PJA2: variants seen among roughly 807,000 people sequenced by gnomAD.
PJA2 encodes the protein praja ring finger ubiquitin ligase 2.
A neutral mutation model predicts 69.3 loss-of-function variants in PJA2; 25 were observed. The ratio of observed to expected loss-of-function variants is 0.36; its 90% CI spans 0.26 to 0.50. The LOEUF (loss-of-function observed/expected upper bound fraction) is 0.50, where lower values mean the gene tolerates loss of function less well. Among genes scored for constraint, PJA2 ranks in the 20% least tolerant of loss-of-function variants. The probability of loss-of-function intolerance (pLI) is 0.96; values close to 1 mark genes in which losing one functional copy is unlikely to be tolerated. For synonymous variants in PJA2, 308 were observed against 277.8 expected (o/e 1.11, Z -1.08); for missense variants, 809 against 830.2 (o/e 0.97, Z 0.31).
chr5:109,353,916 T>A (rs1291354786), intron 7 of PJA2, among the ~76,000 whole-genome samples: 1 of 89,978 alleles, frequency 1.1e-5, no homozygotes, highest in East Asian at 2.5e-4. Context: ...ATCTATAGAT[T>A]AGATGTCTAT....
Position 109,409,946 on chromosome 5 carries a change from CTGGCGGCTGTGGCGGCGG to C in PJA2, c.-210_-193del. The C allele has an allele frequency of 4.7e-6, 1 of 211,290 alleles. No homozygotes were observed. Among genetic ancestry groups the C allele is most frequent in the Non-Finnish European group, 9.4e-6 (1 of 106,772 alleles). The allele number at this position is 211,290 out of a possible 1,614,324, so 13.1% of individuals were successfully genotyped here. On this transcript the variant is annotated 5_prime_UTR_variant, in exon 1 of 10. Transcript: ENST00000361189. ...TCCTCCCCCGCCGAACGCGAAGCGG[CTGGCGGCTGTGGCGGCGG>C]CGGCGGCGGTGGCGGCGGCGGAAGC...
At position 109,335,988 on chromosome 5, in the gene PJA2, T is replaced by G. The variant is rs1243363689; in HGVS notation, c.*1243A>C. The G allele has an allele frequency of 6.6e-6, 1 of 152,572 alleles. No individual in the cohort carries two copies. Among genetic ancestry groups the G allele is most frequent in the Non-Finnish European group, 1.5e-5 (1 of 68,016 alleles). The allele number at this position is 152,572 out of a possible 1,614,324, so 9.5% of individuals were successfully genotyped here. On this transcript the variant is annotated 3_prime_UTR_variant, in exon 10 of 10. Coordinates refer to ENST00000361189, the MANE Select transcript of PJA2 (RefSeq NM_014819.5). ...ATTTAAGCCTCATATGTGCCAACAG[T>G]GAAAATTCATTTATTTTTAAGAATG...
chr5:109,345,034 A>G (rs1762150195), intron 7 of PJA2, among the ~76,000 whole-genome samples: 1 of 151,968 alleles, frequency 6.6e-6, no homozygotes, highest in African/African-American at 2.4e-5. Context: ...AACTTTCTAC[A>G]TGTGAAATAA....
chr5:109,400,151 G>T (rs947313915), intron 1 of PJA2, among the ~76,000 whole-genome samples: 2 of 151,882 alleles, frequency 1.3e-5, no homozygotes, highest in African/African-American at 2.4e-5. Flanking sequence ...TTAGTGAGAC[G>T]TGGTGGTGCA....
chr5:109,345,158 C>A lies in PJA2; in HGVS notation c.1765-339G>T, dbSNP rs182851426. Among the ~76,000 whole-genome samples, 5 of 121,748 alleles carry A rather than the reference C, an allele frequency of 4.1e-5. No homozygotes were observed. In the Admixed American group the frequency reaches 4.7e-4, roughly 11 times the overall value. The allele number at this position is 121,748 out of a possible 152,430, so 79.9% of individuals were successfully genotyped here. On this transcript the variant is annotated intron_variant, in intron 7 of 9. Transcript: ENST00000361189. ...CAGGAGTTCAAGACAGCCTGACCAA[C>A]ATGGTGAAATCCCGTCTCTAGTAAA...
intron 5 of PJA2, among the ~76,000 whole-genome samples, chr5:109,366,388 G>A (rs1216240650): frequency 1.3e-5 from 2 of 152,188 alleles, no homozygotes; most frequent in Non-Finnish European, 2.9e-5. Context: ...ACTAATTTTT[G>A]AAAAACTGGG....
At position 109,409,956 on chromosome 5, in the gene PJA2, T is replaced by TGGCGGCGGCGGC; in HGVS notation, c.-214_-203dup. 9.5e-6 allele frequency: 2 copies of TGGCGGCGGCGGC among 211,010 alleles called. No individual in the cohort carries two copies. The highest frequency in any genetic ancestry group is 9.4e-6 in the Non-Finnish European group (1 of 106,636). The allele number at this position is 211,010 out of a possible 1,614,324, so 13.1% of individuals were successfully genotyped here. On this transcript the variant is annotated 5_prime_UTR_variant, in exon 1 of 10. Coordinates refer to ENST00000361189, the MANE Select transcript of PJA2 (RefSeq NM_014819.5). Reference sequence around the variant, plus strand: ...CCGAACGCGAAGCGGCTGGCGGCTGTGGCGGCGGCGGCGGCGGTGGCGGCG... The same window carrying TGGCGGCGGCGGC: ...CCGAACGCGAAGCGGCTGGCGGCTGTGGCGGCGGCGGCGGCGGCGGCGGCGGCGGTGGCGGCG...
intron 7 of PJA2, among the ~76,000 whole-genome samples, chr5:109,354,575 T>G (rs572517948): frequency 1.4e-4 from 19 of 131,794 alleles, no homozygotes; most frequent in Admixed American, 3.9e-4. Flanking sequence ...CTATAATATC[T>G]ATAGATATCT....
intron 5 of PJA2, among the ~76,000 whole-genome samples, chr5:109,367,630 A>C (rs1300064360): frequency 6.6e-6 from 1 of 152,232 alleles, no homozygotes; most frequent in Non-Finnish European, 1.5e-5. Flanking sequence ...TACCAAACTG[A>C]TATTGAAACA....
chr5:109,401,967 AATTGTAAATATAC>A (rs1389255958), intron 1 of PJA2, among the ~76,000 whole-genome samples: 4 of 152,354 alleles, frequency 2.6e-5, no homozygotes, highest in African/African-American at 4.8e-5. Context: ...GATAAGGAGA[AATTGTAAATATAC>A]ATTGTAAATA....
At position 109,381,788 on chromosome 5, in the gene PJA2, A is replaced by G. The variant is rs200217872; in HGVS notation, c.32-85T>C. 3.6e-5 allele frequency: 39 copies of G among 1,072,058 alleles called. No individual in the cohort carries two copies. In the East Asian group the frequency reaches 9.8e-4, roughly 27 times the overall value. 66.4% of individuals were successfully genotyped at this position (1,072,058 alleles called of 1,614,324 possible). A position where few individuals can be genotyped will look rare whatever the true frequency, so the allele number is the denominator to read the frequency against. ...GTTGGGGAAAACTACTTCAGTTTAT[A>G]TTTTATTATTTATCAAATCATATGC... On this transcript the variant is annotated intron_variant, in intron 2 of 9. Coordinates refer to ENST00000361189, the MANE Select transcript of PJA2 (RefSeq NM_014819.5).
chr5:109,399,515 C>T (rs1747491364), intron 1 of PJA2, among the ~76,000 whole-genome samples: 1 of 152,282 alleles, frequency 6.6e-6, no homozygotes, highest in Non-Finnish European at 1.5e-5. Context: ...AGCTGTCACA[C>T]TAAGCACAAG....
chr5:109,353,443 GATATCTATATATTAGATACCT>G (rs1561344889), intron 7 of PJA2, among the ~76,000 whole-genome samples: 3 of 47,034 alleles, frequency 6.4e-5, no homozygotes, highest in Non-Finnish European at 1.9e-4. Flanking sequence ...CCTATATATA[GATATCTATATATTAGATACCT>G]ATATCTATAG....
At position 109,395,107 on chromosome 5, in the gene PJA2, T is replaced by C. The variant is rs944804398; in HGVS notation, c.-87-11587A>G. 2.6e-5 allele frequency among the ~76,000 whole-genome samples: 4 copies of C among 152,192 alleles called. No homozygotes were observed. In the South Asian group the frequency reaches 8.3e-4, roughly 32 times the overall value. On this transcript the variant is annotated intron_variant, in intron 1 of 9. Coordinates refer to ENST00000361189, the MANE Select transcript of PJA2 (RefSeq NM_014819.5). ...AAAGCTAATTCCTCCCAGTTGAAAG[T>C]CACCTCACTCTCAACCCAGGTCAGA...
intron 7 of PJA2, 113 bp from the exon 8 acceptor site, chr5:109,344,932 CT>C (rs1209951660): frequency 3.0e-6 from 2 of 657,562 alleles, no homozygotes; most frequent in Non-Finnish European, 5.1e-6. Context: ...TTGTTAGTTT[CT>C]TTTGCTTTAG....
chr5:109,351,234 T>A (rs1399118272), intron 7 of PJA2, among the ~76,000 whole-genome samples: 1 of 151,978 alleles, frequency 6.6e-6, no homozygotes, highest in African/African-American at 2.4e-5. Context: ...TCCATTCCTA[T>A]TAATTTATTT....
intron 1 of PJA2, among the ~76,000 whole-genome samples, chr5:109,406,900 G>A (rs1272420124): frequency 3.3e-5 from 5 of 152,128 alleles, no homozygotes; most frequent in African/African-American, 9.7e-5. Context: ...GGATAATCCT[G>A]AAAAACATGC....
chr5:109,383,149 T>C (rs935982846), intron 2 of PJA2, among the ~76,000 whole-genome samples: 4 of 152,330 alleles, frequency 2.6e-5, no homozygotes, highest in African/African-American at 9.6e-5. Flanking sequence ...TTAACAATTC[T>C]ACCAAAAGAA....
At chr5:109,408,138 CAT>C (rs1166945329) in intron 1 of PJA2, among the ~76,000 whole-genome samples, 3 of 152,108 alleles carry the variant, frequency 2.0e-5, no homozygotes, top group African/African-American at 7.2e-5. Context: ...AATAATCACA[CAT>C]AGAGGAAGTT....
Sources: allele counts gnomAD v4.1 joint callset (sites outside exome capture counted in the v4.1 genomes callset), GRCh38; gene constraint gnomAD v4.1.1; transcripts MANE v1.5; gene names NCBI Gene and HGNC (gene_info 2026-07-23, HGNC 2026-07-21).